Variants in ABLIM1 observed in about 807,000 individuals in gnomAD.
ABLIM1 encodes actin binding LIM protein 1, also known as actin-binding LIM protein 1.
ABLIM1 carries 40 observed loss-of-function variants against 107.0 expected under a neutral mutation model. The ratio of observed to expected loss-of-function variants is 0.37; its 90% CI spans 0.29 to 0.49. The LOEUF (loss-of-function observed/expected upper bound fraction) is 0.49. ABLIM1 is among the 20% of genes least tolerant of loss of function. ABLIM1 has a pLI of 0.97. For missense variants in ABLIM1, 857 were observed against 1,008.5 expected, an observed-to-expected ratio of 0.85 and a Z score of 2.04; for synonymous variants, 357 against 357.3, an observed-to-expected ratio of 1.00 and a Z score of 0.01.
chr10:114,689,444 C>A (rs1029769533), upstream of ABLIM1, among the ~76,000 whole-genome samples: 3 of 149,574 alleles, frequency 2.0e-5, no homozygotes, highest in African/African-American at 7.4e-5. Context: ...TCACTGCAAC[C>A]TCCACCTCCC....
intron 12 of ABLIM1, among the ~76,000 whole-genome samples, chr10:114,465,065 G>A (rs555156211): frequency 2.6e-5 from 4 of 152,306 alleles, no homozygotes; most frequent in East Asian, 1.9e-4. Flanking sequence ...CTGTAGTGAT[G>A]CCTAATAATT....
At chr10:114,632,461 CA>C in intron 1 of ABLIM1, 1 of 985,390 alleles carries the variant, frequency 1.0e-6, no homozygotes, top group Non-Finnish European at 1.2e-6. Context: ...TTCTTTCAGG[CA>C]AACTGGATAA....
intron 13 of ABLIM1, 77 bp downstream of exon 13, chr10:114,453,302 A>G: frequency 6.9e-7 from 1 of 1,452,388 alleles, no homozygotes; most frequent in South Asian, 1.2e-5. Context: ...AGCATGAGAG[A>G]TGAGACAAGA....
intron 10 of ABLIM1, among the ~76,000 whole-genome samples, chr10:114,471,571 T>C (rs1290944064): frequency 2.0e-5 from 3 of 151,996 alleles, no homozygotes; most frequent in Non-Finnish European, 4.4e-5. Context: ...TACATGAAAA[T>C]GGATATCACT....
At chr10:114,449,787 G>A (rs1186092303) in intron 14 of ABLIM1, among the ~76,000 whole-genome samples, 2 of 152,148 alleles carry the variant, frequency 1.3e-5, no homozygotes, top group South Asian at 4.1e-4. Context: ...TTTCTCAAAC[G>A]CATCAGGGCA....
chr10:114,514,199 G>A (rs1384490277), intron 6 of ABLIM1, among the ~76,000 whole-genome samples: 3 of 151,954 alleles, frequency 2.0e-5, no homozygotes, highest in Non-Finnish European at 4.4e-5. Context: ...CAAGGTGGGC[G>A]GATCACTTGA....
At chr10:114,468,284 TG>T (rs1327708024) in intron 10 of ABLIM1, 68 bp from the exon 11 acceptor site, 31 of 1,512,460 alleles carry the variant, frequency 2.0e-5, no homozygotes, top group African/African-American at 1.6e-4. Context: ...TTTGTTTGTT[TG>T]TTTGTTTGAG....
At chr10:114,769,605 T>C (rs1191207782), upstream of ABLIM1, among the ~76,000 whole-genome samples, 2 of 152,046 alleles carry the variant, frequency 1.3e-5, no homozygotes, top group African/African-American at 4.8e-5. Context: ...CTAGTTGTTT[T>C]CTATGTTGGC....
chr10:114,483,294 A>C (rs930448498), intron 8 of ABLIM1, among the ~76,000 whole-genome samples: 11 of 151,986 alleles, frequency 7.2e-5, no homozygotes, highest in Admixed American at 4.6e-4. Context: ...TTTTTGAGAC[A>C]GGGTCTCACT....
intron 1 of ABLIM1, among the ~76,000 whole-genome samples, chr10:114,645,434 T>A (rs1018759881): frequency 1.3e-5 from 2 of 152,256 alleles, no homozygotes; most frequent in Admixed American, 6.5e-5. Flanking sequence ...CCAAATAAAT[T>A]ACTTGCTTTT....
intron 1 of ABLIM1, among the ~76,000 whole-genome samples, chr10:114,693,649 CTT>C (rs374313717): frequency 6.8e-6 from 1 of 146,804 alleles, no homozygotes; most frequent in African/African-American, 2.5e-5. Flanking sequence ...CTTTTTATTT[CTT>C]TTTTTTTTTC....
At chr10:114,721,545 G>A (rs905564201) in intron 1 of ABLIM1, among the ~76,000 whole-genome samples, 9 of 152,018 alleles carry the variant, frequency 5.9e-5, no homozygotes, top group Admixed American at 4.6e-4. Context: ...GCAGTGGCAG[G>A]ATCTCGGCTC....
upstream of ABLIM1, among the ~76,000 whole-genome samples, chr10:114,688,559 G>A (rs181029222): frequency 5.7e-4 from 87 of 152,254 alleles, 1 homozygote; most frequent in Admixed American, 2.2e-3. Context: ...ACTCTCTGTA[G>A]GCATTGAACA....
chr10:114,441,831 G>A (rs990733847), intron 17 of ABLIM1, 45 bp from the exon 18 acceptor site: 1 of 1,540,538 alleles, frequency 6.5e-7, no homozygotes, highest in South Asian at 1.1e-5. Context: ...GAAATCAGAA[G>A]GTCCAATCCT....
intron 1 of ABLIM1, among the ~76,000 whole-genome samples, chr10:114,634,423 C>A (rs2078374679): frequency 6.6e-6 from 1 of 151,996 alleles, no homozygotes; most frequent in South Asian, 2.1e-4. Context: ...TGAGCCACCG[C>A]GCCCGGCCTC....
intron 1 of ABLIM1, among the ~76,000 whole-genome samples, chr10:114,762,537 T>C (rs2082771903): frequency 6.6e-6 from 1 of 152,246 alleles, no homozygotes; most frequent in Non-Finnish European, 1.5e-5. Flanking sequence ...ATTTTTCCTT[T>C]ATTGGATTTT....
chr10:114,564,001 A>G (rs1022772933), intron 4 of ABLIM1, among the ~76,000 whole-genome samples: 1 of 148,488 alleles, frequency 6.7e-6, no homozygotes, highest in African/African-American at 2.5e-5. Flanking sequence ...CACAGCCATT[A>G]TCAGTAATAC....
intron 1 of ABLIM1, among the ~76,000 whole-genome samples, chr10:114,721,003 G>A (rs561275268): frequency 3.3e-5 from 5 of 152,278 alleles, no homozygotes; most frequent in African/African-American, 1.2e-4. Flanking sequence ...CCTAAGCCAG[G>A]GTCAGCACAC....
rs201720535 is a variant in ABLIM1 at position 114,473,140 on chromosome 10, A to G, written c.1120-8T>C. ...CTCATTGTCTACTTTTGCCTGGCAA[A>G]GTTAACCAGAAAGAACAATTACCTT... is the stretch of plus-strand genomic sequence containing the variant. On this transcript the variant is annotated splice_polypyrimidine_tract_variant and splice_region_variant and intron_variant, in intron 9 of 22. Transcript: ENST00000533213. 25 of 1,604,366 alleles carry G rather than the reference A, an allele frequency of 1.6e-5. 1 individual carries two copies. The East Asian group carries it at 5.4e-4, about 34-fold the overall frequency.
Sources: gnomAD v4.1 joint callset for allele counts (sites outside exome capture counted in the v4.1 genomes callset) on GRCh38, gnomAD v4.1.1 for gene constraint, MANE v1.5 for transcripts, NCBI Gene and HGNC (gene_info 2026-07-23, HGNC 2026-07-21) for gene names.